Variants in STAB1 observed in about 807,000 individuals in gnomAD.
The protein encoded by STAB1 is stabilin-1.
In STAB1, 250 loss-of-function variants were observed where a neutral mutation model predicts 332.4. The observed-to-expected ratio is 0.75, with a 90% CI of 0.68 to 0.84. STAB1 has a LOEUF of 0.84. STAB1 is among the 40% of genes least tolerant of loss of function. The pLI, the probability that STAB1 is intolerant of heterozygous loss-of-function variation, is 0.00. For missense variants in STAB1, 3,249 were observed against 3,489.7 expected (o/e 0.93, Z 1.74); for synonymous variants, 1,475 against 1,390.4 (o/e 1.06, Z -1.35).
rs777777154 is a variant in STAB1, at chr3:52,504,492, G to A, written c.1182G>A (p.Ala394=). Residue 394 remains alanine, a synonymous_variant, in exon 11 of 69, where the codon GCG becomes GCA. Coordinates refer to ENST00000321725, the MANE Select transcript of STAB1 (RefSeq NM_015136.3). ...DQGCREILTT[A]GPFTVLVPSV... ...GCTGCCGGGAAATCCTTACCACAGC[G>A]GGCCCTTTCACCGTGCTGGTGCCAT... The A allele has an allele frequency of 6.2e-6, 10 of 1,613,884 alleles. No homozygotes were observed. The highest frequency in any genetic ancestry group is 4.0e-5 in the African/African-American group (3 of 74,894).
rs1709315831 is a variant in STAB1, at chr3:52,511,756, G to A, written c.2883+11G>A. ...GGCTGCCACGGCCTGGTAAGGGGGT[G>A]CAAGGCTCAGAGCCCTGGGGAAGCT... On this transcript the variant is annotated intron_variant, in intron 26 of 68. Coordinates refer to ENST00000321725, the MANE Select transcript of STAB1 (RefSeq NM_015136.3). 2 of 1,567,062 alleles carry A rather than the reference G, an allele frequency of 1.3e-6. No homozygotes were observed. The highest frequency in any genetic ancestry group is 4.7e-5 in the East Asian group (2 of 42,862).
chr3:52,506,591 C>A, intron 17 of STAB1, 101 bp from the exon 18 acceptor site: 2 of 1,329,170 alleles, frequency 1.5e-6, no homozygotes, highest in Non-Finnish European at 2.0e-6. Flanking sequence ...GCTCACTGAG[C>A]TGCCTGTCTG....
chr3:52,496,659 C>A (rs1408160560), intron 1 of STAB1, among the ~76,000 whole-genome samples: 1 of 152,218 alleles, frequency 6.6e-6, no homozygotes, highest in African/African-American at 2.4e-5. Context: ...AGCTCCTGCC[C>A]TCCCCTTAAC....
chr3:52,510,285 G>A, intron 24 of STAB1, 50 bp downstream of exon 24: 2 of 1,613,848 alleles, frequency 1.2e-6, no homozygotes, highest in East Asian at 2.2e-5. Flanking sequence ...GGCAGGAGGT[G>A]GGATGCCCTG....
intron 48 of STAB1, 83 bp from the exon 49 acceptor site, chr3:52,519,181 C>T: frequency 1.9e-6 from 3 of 1,539,068 alleles, no homozygotes; most frequent in South Asian, 2.4e-5. Context: ...CTTGCCCAAC[C>T]CAGGTTCAAC....
At position 52,521,989 on chromosome 3, in the gene STAB1, C is replaced by T. The variant is rs758206639; in HGVS notation, c.6271+38C>T. 5.0e-6 allele frequency: 8 copies of T among 1,607,410 alleles called. 1 individual carries two copies. In the South Asian group the frequency reaches 7.7e-5, roughly 16 times the overall value. On this transcript the variant is annotated intron_variant, in intron 58 of 68. Transcript: ENST00000321725. ...GCGGGGACATGGAGGTGGGAGGCCCCCACTCCCCTGCAGTCACTAGGTCCA... is the reference window on the plus strand; with the variant it reads ...GCGGGGACATGGAGGTGGGAGGCCCTCACTCCCCTGCAGTCACTAGGTCCA...
chr3:52,512,657 G>C lies in STAB1; in HGVS notation c.3027+14G>C. On this transcript the variant is annotated intron_variant, in intron 28 of 68. Transcript: ENST00000321725. ...CAATGGCTTAAGGTAGGACAGGGCA[G>C]AATGCTGGGGTTGAGGGCTCAAATC... 1 of 1,613,592 alleles carries C rather than the reference G, an allele frequency of 6.2e-7. No individual in the cohort carries two copies. The highest frequency in any genetic ancestry group is 1.1e-5 in the South Asian group (1 of 91,080).
chr3:52,502,898 G>A, intron 6 of STAB1, 101 bp from the exon 7 acceptor site: 4 of 1,269,212 alleles, frequency 3.2e-6, no homozygotes, highest in Non-Finnish European at 3.2e-6. Context: ...GCAAGGTCAG[G>A]GCCCTGCTCC....
chr3:52,506,510 G>T (rs1008970090), intron 17 of STAB1, among the ~76,000 whole-genome samples, 182 bp from the exon 18 acceptor site: 1 of 152,234 alleles, frequency 6.6e-6, no homozygotes, highest in Non-Finnish European at 1.5e-5. Flanking sequence ...GTAAGGACCC[G>T]CAGCCTGGAG....
At chr3:52,520,737 G>A (rs751628384) in intron 54 of STAB1, 39 bp downstream of exon 54, 8 of 1,612,324 alleles carry the variant, frequency 5.0e-6, no homozygotes, top group South Asian at 2.2e-5. Flanking sequence ...GTGGGGTGGG[G>A]GCAGGCAGAG....
chr3:52,496,060 G>A (rs1240318985), intron 1 of STAB1, among the ~76,000 whole-genome samples: 1 of 152,212 alleles, frequency 6.6e-6, no homozygotes, highest in Admixed American at 6.5e-5. Context: ...CAGCCTCGGG[G>A]CAACTCCTCC....
intron 10 of STAB1, 69 bp from the exon 11 acceptor site, chr3:52,504,392 C>G (rs557395496): frequency 1.4e-5 from 22 of 1,558,112 alleles, no homozygotes; most frequent in African/African-American, 4.1e-5. Flanking sequence ...GGTCTGATGC[C>G]CGAACATCTT....
chr3:52,521,536 G>A lies in STAB1; in HGVS notation c.6058+26G>A, dbSNP rs149872747. 1.1e-3 allele frequency: 1,813 copies of A among 1,613,800 alleles called. 39 individuals carry two copies. In the East Asian group the frequency reaches 0.031, roughly 27 times the overall value. On this transcript the variant is annotated intron_variant, in intron 56 of 68. Coordinates refer to ENST00000321725, the MANE Select transcript of STAB1 (RefSeq NM_015136.3). ...GTGGGCCATCCCTGCCTGCCCCACG[G>A]CCCGATTCCTTTGGCCCTTGTGGGC...
chr3:52,516,252 A>AGGGGGGGGGG lies in STAB1; in HGVS notation c.4144+18_4144+19insGGGGGGGGGG, dbSNP rs1575346680. The AGGGGGGGGGG allele has an allele frequency of 1.3e-6, 1 of 747,628 alleles. No individual in the cohort carries two copies. 46.3% of individuals were successfully genotyped at this position (747,628 alleles called of 1,614,324 possible). ...ACTGCACCGGAGGTGAGGACTGGGG[A>AGGGGGGGGGG]GGGGCGGGGGTGGGCCTCCTGGCAG... On this transcript the variant is annotated intron_variant, in intron 38 of 68. Transcript: ENST00000321725.
chr3:52,509,190 G>A lies in STAB1; in HGVS notation c.2236-20G>A. The stretch of plus-strand genomic sequence containing the variant: ...GAGTCCCTTTCCCATGACTGATCCT[G>A]CCTTCTGCTCACTCTCTAGTGCAGT... On this transcript the variant is annotated intron_variant, in intron 21 of 68. Coordinates refer to ENST00000321725, the MANE Select transcript of STAB1 (RefSeq NM_015136.3). 1 of 1,609,872 alleles carries A rather than the reference G, an allele frequency of 6.2e-7. No homozygotes were observed. Among genetic ancestry groups the A allele is most frequent in the Non-Finnish European group, 8.5e-7 (1 of 1,177,108 alleles).
chr3:52,516,507 G>T, intron 39 of STAB1, 35 bp from the exon 40 acceptor site: 1 of 1,613,434 alleles, frequency 6.2e-7, no homozygotes, highest in African/African-American at 1.3e-5. Context: ...CTGTTCCTGG[G>T]TCTGAATGAC....
Position 52,504,142 on chromosome 3 carries a change from C to G in STAB1, c.1137C>G (p.Ala379=). The G allele has an allele frequency of 6.3e-7, 1 of 1,588,672 alleles. No individual in the cohort carries two copies. Among genetic ancestry groups the G allele is most frequent in the South Asian group, 1.1e-5 (1 of 87,844 alleles). ...GGGTGTTCCTGCAGCTGAGGGTCGC[C>G]GTGGCCATGATGGGTGCGTGACCCC... The part of the protein sequence containing the change: ...TGRVFLQLRV[A]VAMMDQGCRE... Residue 379 remains alanine, a synonymous_variant, in exon 10 of 69, where the codon GCC becomes GCG. Transcript: ENST00000321725.
rs571982101 is a variant in STAB1 at position 52,517,744 on chromosome 3, G to A, written c.4638+120G>A. 2,421 of 1,556,578 alleles carry A rather than the reference G, an allele frequency of 1.6e-3. 2 individuals carry two copies. The highest frequency in any genetic ancestry group is 1.9e-3 in the Non-Finnish European group (2,181 of 1,146,932). On this transcript the variant is annotated intron_variant, in intron 44 of 68. Coordinates refer to ENST00000321725, the MANE Select transcript of STAB1 (RefSeq NM_015136.3). ...CCTCTGCAGGGTGGGCTATCCTCCC[G>A]TCAAGCTCGAGTTTAATCAGTAGCA...
rs751277211 is a variant in STAB1, at chr3:52,503,982, G to A, written c.1023-46G>A. The A allele has an allele frequency of 6.8e-6, 11 of 1,609,968 alleles. No individual in the cohort carries two copies. In the African/African-American group the frequency reaches 1.3e-4, roughly 20 times the overall value. ...CGGGAAGGCGTGGGGGGTGCGGTGG[G>A]GGGGGCCTCAGCCTCCGCCCTGACT... is the stretch of plus-strand genomic sequence containing the variant. On this transcript the variant is annotated intron_variant, in intron 9 of 68. Coordinates refer to ENST00000321725, the MANE Select transcript of STAB1 (RefSeq NM_015136.3).
Sources: gnomAD v4.1 joint callset for allele counts (sites outside exome capture counted in the v4.1 genomes callset) on GRCh38, gnomAD v4.1.1 for gene constraint, MANE v1.5 for transcripts, NCBI Gene and HGNC (gene_info 2026-07-23, HGNC 2026-07-21) for gene names.